ACVR1B: variants seen among roughly 807,000 people sequenced by gnomAD.
ACVR1B encodes the protein activin receptor type-1B.
In ACVR1B, 15 loss-of-function variants were observed where a neutral mutation model predicts 55.6. The observed-to-expected ratio is 0.27, with a 90% confidence interval of 0.18 to 0.42. The LOEUF (loss-of-function observed/expected upper bound fraction) is 0.42. ACVR1B is among the 10% of genes least tolerant of loss of function. The pLI is 1.00. For synonymous variants in ACVR1B, 247 were observed against 254.6 expected (o/e 0.97, Z 0.28); for missense variants, 359 against 670.1 (o/e 0.54, Z 5.13).
intron 1 of ACVR1B, among the ~76,000 whole-genome samples, chr12:51,974,291 AGTGTTGGG>A (rs1941802295): frequency 6.6e-6 from 1 of 152,210 alleles, no homozygotes; most frequent in Non-Finnish European, 1.5e-5. Flanking sequence ...CATGGGAGAC[AGTGTTGGG>A]GAGAACCAAC....
rs560840449 is a variant in ACVR1B, at chr12:51,994,392, C to T, written c.*282C>T. 5.8e-4 allele frequency: 210 copies of T among 364,574 alleles called. No homozygotes were observed. Among genetic ancestry groups the T allele is most frequent in the East Asian group, 4.3e-4 (7 of 16,136 alleles). The allele number at this position is 364,574 out of a possible 1,614,324, so 22.6% of individuals were successfully genotyped here. A position where few individuals can be genotyped will look rare whatever the true frequency, so the allele number is the denominator to read the frequency against. On this transcript the variant is annotated 3_prime_UTR_variant, in exon 9 of 9. Coordinates refer to ENST00000257963, the MANE Select transcript of ACVR1B (RefSeq NM_004302.5). This position sits in a 1 kb window ranked among gnomAD's most constrained non-coding sequence, Gnocchi z 4.2. ...GAACTGGTTGTAGTGGGAAGTCCCG[C>T]GAAACCCGGTGCATCTGGCACGTGG...
At chr12:51,987,347 A>G in intron 7 of ACVR1B, 1 of 507,780 alleles carries the variant, frequency 2.0e-6, no homozygotes. Flanking sequence ...TTTCATTGTT[A>G]AAATAATAGT....
chr12:51,969,731 CTA>C (rs1373523848), intron 1 of ACVR1B, among the ~76,000 whole-genome samples: 1 of 152,114 alleles, frequency 6.6e-6, no homozygotes, highest in African/African-American at 2.4e-5. Context: ...GTATAAAGAA[CTA>C]TCTTAGCCAG....
At chr12:51,973,101 C>T (rs1484458857) in intron 1 of ACVR1B, among the ~76,000 whole-genome samples, 2 of 152,178 alleles carry the variant, frequency 1.3e-5, no homozygotes, top group Non-Finnish European at 2.9e-5. Flanking sequence ...TGGGTGTGTT[C>T]GTTCTCCAGA....
At chr12:51,987,900 T>A (rs1208016513) in intron 7 of ACVR1B, 1 of 152,258 alleles carries the variant, frequency 6.6e-6, no homozygotes, top group Non-Finnish European at 1.5e-5. Context: ...TATCCCATTT[T>A]CCCTGATGTG....
At chr12:51,981,228 C>G (rs1373799998) in intron 4 of ACVR1B, 29 bp downstream of exon 4, 25 of 1,579,736 alleles carry the variant, frequency 1.6e-5, no homozygotes, top group Non-Finnish European at 2.2e-5. Flanking sequence ...TACAGCATTC[C>G]CAGATAGAGG....
At chr12:51,968,226 T>C (rs906861990) in intron 1 of ACVR1B, among the ~76,000 whole-genome samples, 1 of 152,134 alleles carries the variant, frequency 6.6e-6, no homozygotes, top group Non-Finnish European at 1.5e-5. Flanking sequence ...AGAGCAAAAC[T>C]GCATCTCAAA....
intron 6 of ACVR1B, among the ~76,000 whole-genome samples, chr12:51,985,917 G>A (rs1279348936): frequency 1.3e-5 from 2 of 152,154 alleles, no homozygotes; most frequent in Non-Finnish European, 2.9e-5. Context: ...GGAAGAGGTG[G>A]AAATCTGCTG....
At chr12:51,969,710 A>C (rs1592248751) in intron 1 of ACVR1B, among the ~76,000 whole-genome samples, 1 of 152,272 alleles carries the variant, frequency 6.6e-6, no homozygotes, top group East Asian at 1.9e-4. Context: ...GATTAAAGGA[A>C]TTTACACTGT....
At chr12:51,977,284 TTTAC>T (rs1018603620) in intron 3 of ACVR1B, among the ~76,000 whole-genome samples, 56 of 152,154 alleles carry the variant, frequency 3.7e-4, no homozygotes, top group African/African-American at 1.2e-3. Flanking sequence ...AAAGAATTTT[TTTAC>T]TTACTTATTT....
At chr12:51,964,174 T>C (rs1252065462) in intron 1 of ACVR1B, among the ~76,000 whole-genome samples, 1 of 152,208 alleles carries the variant, frequency 6.6e-6, no homozygotes, top group Non-Finnish European at 1.5e-5. Flanking sequence ...GGGTTCTTGC[T>C]CTGTCACCCA....
chr12:51,959,116 A>G (rs138264016), intron 1 of ACVR1B, among the ~76,000 whole-genome samples: 3 of 152,298 alleles, frequency 2.0e-5, no homozygotes, highest in Non-Finnish European at 4.4e-5. Flanking sequence ...CACTTCCCCA[A>G]GATTCCCCAT....
intron 5 of ACVR1B, among the ~76,000 whole-genome samples, chr12:51,984,933 A>G (rs1813883326): frequency 6.6e-6 from 1 of 152,236 alleles, no homozygotes; most frequent in Non-Finnish European, 1.5e-5. Flanking sequence ...AATATTAGCT[A>G]AATACACATG....
At chr12:51,954,265 A>G (rs798210) in intron 1 of ACVR1B, among the ~76,000 whole-genome samples, 15,952 of 152,188 alleles carry the variant, frequency 0.1, 2,069 homozygotes, top group African/African-American at 0.31. Context: ...AAGGCCAGTG[A>G]TAAGGAGAAT....
chr12:51,972,999 T>C (rs1941774988), intron 1 of ACVR1B, among the ~76,000 whole-genome samples: 1 of 152,218 alleles, frequency 6.6e-6, no homozygotes, highest in Non-Finnish European at 1.5e-5. Context: ...GTTCCGTTCT[T>C]CGTCCTGTCT....
chr12:51,964,369 A>G (rs1384802677), intron 1 of ACVR1B, among the ~76,000 whole-genome samples: 1 of 152,240 alleles, frequency 6.6e-6, no homozygotes, highest in East Asian at 1.9e-4. Context: ...TCTGGATTCT[A>G]GACCATTTTC....
chr12:51,991,375 TC>T (rs1280271018), intron 7 of ACVR1B, among the ~76,000 whole-genome samples: 2 of 152,186 alleles, frequency 1.3e-5, no homozygotes, highest in South Asian at 2.1e-4. Context: ...AAAAAAATGT[TC>T]CTGGCTACTC....
chr12:51,992,016 C>T (rs1235084419), intron 8 of ACVR1B, 23 bp downstream of exon 8: 2 of 1,614,226 alleles, frequency 1.2e-6, no homozygotes, highest in South Asian at 1.1e-5. Flanking sequence ...CCTCCTGCGG[C>T]TTTCCCATCA....
intron 1 of ACVR1B, among the ~76,000 whole-genome samples, chr12:51,958,873 G>A (rs1298063509): frequency 1.3e-5 from 2 of 152,168 alleles, no homozygotes; most frequent in Non-Finnish European, 2.9e-5. Context: ...ACCAGTACCG[G>A]TCTGTGGCCC....
Sources: allele counts gnomAD v4.1 joint callset (sites outside exome capture counted in the v4.1 genomes callset), GRCh38; gene constraint gnomAD v4.1.1; non-coding constraint Gnocchi (gnomAD v3.1); transcripts MANE v1.5; gene names NCBI Gene and HGNC (gene_info 2026-07-23, HGNC 2026-07-21).